Variants in SLC35F3 observed in about 807,000 individuals in gnomAD.
SLC35F3 encodes the protein putative thiamine transporter SLC35F3.
SLC35F3 carries 25 observed loss-of-function variants against 49.9 expected under a neutral mutation model. That is an observed-to-expected ratio of 0.50 (90% CI 0.37 to 0.70). The LOEUF (loss-of-function observed/expected upper bound fraction) is 0.70, where lower values mean the gene tolerates loss of function less well. SLC35F3 is among the 30% of genes least tolerant of loss of function. The pLI is 0.00. For synonymous variants in SLC35F3, 275 were observed against 265.4 expected (o/e 1.04, Z -0.35); for missense variants, 525 against 639.8 (o/e 0.82, Z 1.94).
chr1:233,974,368 G>C (rs147918430), intron 2 of SLC35F3, among the ~76,000 whole-genome samples: 1,572 of 151,844 alleles, frequency 0.01, 32 homozygotes, highest in African/African-American at 0.036. Flanking sequence ...ATTTTTAGTA[G>C]ACGTAGTTTC....
chr1:234,212,073 G>C (rs935009259), intron 2 of SLC35F3, among the ~76,000 whole-genome samples: 1 of 152,180 alleles, frequency 6.6e-6, no homozygotes, highest in African/African-American at 2.4e-5. Flanking sequence ...TTTGCCTGCT[G>C]CCATCCATGT....
chr1:233,960,897 G>T (rs1037670337), intron 2 of SLC35F3, among the ~76,000 whole-genome samples: 2 of 151,958 alleles, frequency 1.3e-5, no homozygotes, highest in Non-Finnish European at 2.9e-5. Context: ...GCAAAGGCAG[G>T]TTATTAGAGT....
intron 7 of SLC35F3, among the ~76,000 whole-genome samples, chr1:234,322,577 G>A (rs935134589): frequency 8.6e-5 from 13 of 152,006 alleles, no homozygotes; most frequent in Non-Finnish European, 1.9e-4. Context: ...GTCTTGGTGT[G>A]GCAGAGGTGG....
chr1:233,907,715 G>GT (rs79176471), intron 2 of SLC35F3, among the ~76,000 whole-genome samples: 24 of 150,696 alleles, frequency 1.6e-4, no homozygotes, highest in African/African-American at 2.9e-4. Context: ...TTGTCTTTTT[G>GT]TTTTTTTTTT....
chr1:234,006,428 T>G (rs1362779223), intron 2 of SLC35F3, among the ~76,000 whole-genome samples: 1 of 152,072 alleles, frequency 6.6e-6, no homozygotes, highest in Non-Finnish European at 1.5e-5. Context: ...CAGATCAAAC[T>G]CCTTATCCCT....
intron 2 of SLC35F3, among the ~76,000 whole-genome samples, chr1:234,221,199 G>A (rs1667199530): frequency 6.6e-6 from 1 of 152,164 alleles, no homozygotes; most frequent in Admixed American, 6.5e-5. Flanking sequence ...GCAAGGGTGG[G>A]TGGGGGCATT....
chr1:234,108,572 T>TATA lies in SLC35F3; in HGVS notation c.284-122845_284-122844insATA, dbSNP rs1280464020. Among the ~76,000 whole-genome samples, 50 of 102,950 alleles carry TATA rather than the reference T, an allele frequency of 4.9e-4. 1 individual carries two copies. The East Asian group carries it at 8.6e-3, about 18-fold the overall frequency. The allele number at this position is 102,950 out of a possible 152,430, so 67.5% of individuals were successfully genotyped here. On this transcript the variant is annotated intron_variant, in intron 2 of 7. Transcript: ENST00000366618. ...ATTTATATATAAAAGATATATATTA[T>TATA]TTATATATATAAAAGATATACATAT...
intron 2 of SLC35F3, among the ~76,000 whole-genome samples, chr1:234,141,185 A>G (rs2102903499): frequency 6.6e-6 from 1 of 152,288 alleles, no homozygotes; most frequent in Admixed American, 6.5e-5. Context: ...ATATATTACC[A>G]TAAGAAGGTC....
intron 2 of SLC35F3, among the ~76,000 whole-genome samples, chr1:234,113,670 C>T (rs1033858049): frequency 3.3e-5 from 5 of 152,036 alleles, no homozygotes; most frequent in African/African-American, 1.2e-4. Flanking sequence ...TCAAGACCAG[C>T]CTGACCAACA....
chr1:233,937,689 GA>G (rs1395663463), intron 2 of SLC35F3, among the ~76,000 whole-genome samples: 1 of 152,194 alleles, frequency 6.6e-6, no homozygotes, highest in Non-Finnish European at 1.5e-5. Context: ...AATATACTCT[GA>G]AACAAAACGG....
At chr1:234,193,665 G>A (rs1211967656) in intron 2 of SLC35F3, among the ~76,000 whole-genome samples, 4 of 152,188 alleles carry the variant, frequency 2.6e-5, no homozygotes, top group African/African-American at 4.8e-5. Flanking sequence ...ACAACCAACA[G>A]AGTGGGAGAA....
chr1:234,254,555 G>A (rs1345115499), intron 3 of SLC35F3, among the ~76,000 whole-genome samples: 1 of 152,168 alleles, frequency 6.6e-6, no homozygotes, highest in Non-Finnish European at 1.5e-5. Context: ...AACACACTTA[G>A]CCACTTTAAA....
Position 233,918,800 on chromosome 1 carries a change from CTCTCTCTCTCTCTCTCTATATA to C in SLC35F3, c.283+13044_283+13065del, listed in dbSNP as rs1333375449. 6.5e-3 allele frequency among the ~76,000 whole-genome samples: 218 copies of C among 33,586 alleles called. 2 individuals carry two copies. The highest frequency in any genetic ancestry group is 0.024 in the Middle Eastern group (1 of 42). The allele number at this position is 33,586 out of a possible 152,430, so 22.0% of individuals were successfully genotyped here. On this transcript the variant is annotated intron_variant, in intron 2 of 7. Transcript: ENST00000366618. The stretch of plus-strand genomic sequence containing the variant: ...TCTTTCTCTCTCTCTCTCTCTCTTT[CTCTCTCTCTCTCTCTCTATATA>C]TATATATATATATTTGTGTGTTTGT...
intron 3 of SLC35F3, among the ~76,000 whole-genome samples, chr1:234,287,138 C>T (rs1668434955): frequency 6.6e-6 from 1 of 152,028 alleles, no homozygotes; most frequent in Non-Finnish European, 1.5e-5. Flanking sequence ...GTTCCAGGCT[C>T]CAGGGAGCTA....
At chr1:233,982,891 T>C (rs111642765) in intron 2 of SLC35F3, among the ~76,000 whole-genome samples, 2 of 152,274 alleles carry the variant, frequency 1.3e-5, no homozygotes, top group Non-Finnish European at 2.9e-5. Flanking sequence ...GTGGGTGCTA[T>C]GAGAACAGAT....
intron 3 of SLC35F3, among the ~76,000 whole-genome samples, chr1:234,300,277 A>G (rs12136778): frequency 0.1 from 15,579 of 152,244 alleles, 976 homozygotes; most frequent in African/African-American, 0.18. Flanking sequence ...TGCATCCCAC[A>G]TATAAACTGC....
intron 2 of SLC35F3, among the ~76,000 whole-genome samples, chr1:233,936,150 G>A (rs1406218545): frequency 6.6e-6 from 1 of 152,184 alleles, no homozygotes; most frequent in Non-Finnish European, 1.5e-5. Context: ...AGAAGAAGAG[G>A]TAAATATTAT....
intron 2 of SLC35F3, among the ~76,000 whole-genome samples, chr1:234,201,370 C>T (rs1195626353): frequency 6.6e-6 from 1 of 152,212 alleles, no homozygotes; most frequent in Non-Finnish European, 1.5e-5. Context: ...CTTCAACTAG[C>T]TCCATGGGTG....
At chr1:234,248,632 G>A (rs1667685344) in intron 3 of SLC35F3, among the ~76,000 whole-genome samples, 1 of 152,146 alleles carries the variant, frequency 6.6e-6, no homozygotes, top group Non-Finnish European at 1.5e-5. Context: ...ATAAAGAAAT[G>A]CCATATGAAA....
Sources: allele counts gnomAD v4.1 joint callset (sites outside exome capture counted in the v4.1 genomes callset), GRCh38; gene constraint gnomAD v4.1.1; transcripts MANE v1.5; gene names NCBI Gene and HGNC (gene_info 2026-07-23, HGNC 2026-07-21).